Variants in PCID2 observed in about 807,000 individuals in gnomAD.
PCID2 encodes the protein PCI domain-containing protein 2.
Under a neutral mutation model 61.3 loss-of-function variants are expected in PCID2, and 41 were observed. That is an observed-to-expected ratio of 0.67 (90% CI 0.52 to 0.87). The LOEUF (loss-of-function observed/expected upper bound fraction) is 0.87. Among genes scored for constraint, PCID2 ranks in the 40% least tolerant of loss-of-function variants. The probability of loss-of-function intolerance (pLI) is 0.00; values close to 1 mark genes in which losing one functional copy is unlikely to be tolerated. For synonymous variants in PCID2, 187 were observed against 177.8 expected, an observed-to-expected ratio of 1.05 and a Z score of -0.41; for missense variants, 392 against 493.4, an observed-to-expected ratio of 0.79 and a Z score of 1.95.
intron 6 of PCID2, among the ~76,000 whole-genome samples, 168 bp from the exon 7 acceptor site, chr13:113,191,143 T>G (rs1036058449): frequency 6.6e-6 from 1 of 152,176 alleles, no homozygotes; most frequent in Non-Finnish European, 1.5e-5. Context: ...TGGAACCAGG[T>G]ACTACCATGC....
downstream of PCID2, among the ~76,000 whole-genome samples, chr13:113,176,835 T>C (rs1388911240): frequency 1.3e-5 from 2 of 152,158 alleles, no homozygotes; most frequent in Non-Finnish European, 2.9e-5. Flanking sequence ...TATTCTTAAG[T>C]GTGCAACTCA....
the PCID2 span, among the ~76,000 whole-genome samples, chr13:113,168,029 T>C: frequency 2.0e-5 from 3 of 152,218 alleles, no homozygotes; most frequent in African/African-American, 7.2e-5. Flanking sequence ...CCGCTCGCTG[T>C]AGCATGAGTC....
intron 7 of PCID2, 51 bp downstream of exon 7, chr13:113,190,821 T>G (rs375511498): frequency 8.8e-7 from 1 of 1,132,354 alleles, no homozygotes; most frequent in Non-Finnish European, 1.3e-6. Flanking sequence ...AACGCTGCAA[T>G]GAAAACACCA....
chr13:113,165,534 TG>T, the PCID2 span, among the ~76,000 whole-genome samples: 1 of 152,226 alleles, frequency 6.6e-6, no homozygotes, highest in South Asian at 2.1e-4. Flanking sequence ...CATTTGTTTT[TG>T]GTTTGTTTTT....
At chr13:113,172,420 T>C in the PCID2 span, 24 of 387,382 alleles carry the variant, frequency 6.2e-5, no homozygotes, top group Admixed American at 4.8e-4. Context: ...CTTCTCCAAG[T>C]CCAGTGTTCC....
At chr13:113,201,309 T>A (rs2039410234) in intron 1 of PCID2, among the ~76,000 whole-genome samples, 1 of 151,982 alleles carries the variant, frequency 6.6e-6, no homozygotes, top group South Asian at 2.1e-4. Context: ...AGGAAAACTG[T>A]ATAACTTGAT....
At chr13:113,201,198 C>T (rs541654095) in intron 1 of PCID2, among the ~76,000 whole-genome samples, 24 of 151,980 alleles carry the variant, frequency 1.6e-4, no homozygotes, top group African/African-American at 4.8e-4. Flanking sequence ...TCATACAATG[C>T]GATACTCGGC....
chr13:113,188,954 G>T (rs2038361729), intron 7 of PCID2, among the ~76,000 whole-genome samples: 1 of 152,192 alleles, frequency 6.6e-6, no homozygotes, highest in Non-Finnish European at 1.5e-5. Context: ...TTTGGATGTG[G>T]TTTTTTGGCC....
At chr13:113,197,118 C>T (rs765219445) in intron 4 of PCID2, 60 bp downstream of exon 4, 2 of 1,614,136 alleles carry the variant, frequency 1.2e-6, no homozygotes, top group Admixed American at 3.3e-5. Context: ...GGTCTCAAGT[C>T]CCAAGTAATC....
intron 6 of PCID2, among the ~76,000 whole-genome samples, chr13:113,192,127 G>A (rs530049529): frequency 5.9e-5 from 9 of 152,146 alleles, no homozygotes; most frequent in South Asian, 4.2e-4. Flanking sequence ...GTATCATGGC[G>A]TAGACCTGTA....
In PCID2 at chr13:113,198,267, G is replaced by A. The variant is rs1459621338; in HGVS notation, c.127-3C>T. The stretch of plus-strand genomic sequence containing the variant: ...CACTTCTCCTCTGGAGAGGCCATCT[G>A]ATTTTAAAAAAGAAAAATAGCAAAA... On this transcript the variant is annotated splice_region_variant and splice_polypyrimidine_tract_variant and intron_variant, in intron 2 of 13. Coordinates refer to ENST00000337344, the MANE Select transcript of PCID2 (RefSeq NM_001127202.4). 6.3e-7 allele frequency: 1 copy of A among 1,584,418 alleles called. No individual in the cohort carries two copies. Among genetic ancestry groups the A allele is most frequent in the Non-Finnish European group, 8.6e-7 (1 of 1,165,716 alleles).
At chr13:113,198,751 A>G (rs1235999949) in intron 2 of PCID2, among the ~76,000 whole-genome samples, 2 of 152,254 alleles carry the variant, frequency 1.3e-5, no homozygotes, top group African/African-American at 4.8e-5. Context: ...ACAAATATTT[A>G]TCAATATTTC....
intron 9 of PCID2, chr13:113,183,893 G>T: frequency 2.0e-6 from 2 of 985,456 alleles, no homozygotes; most frequent in Non-Finnish European, 1.2e-6. Context: ...CTGTTTAAAC[G>T]AGAGCTTTGA....
rs1306321626 is a variant in PCID2 at position 113,179,363 on chromosome 13, G to A, written c.987-274C>T. Among the ~76,000 whole-genome samples, 7 of 151,728 alleles carry A rather than the reference G, an allele frequency of 4.6e-5. 1 individual carries two copies. Among genetic ancestry groups the A allele is most frequent in the African/African-American group, 1.7e-4 (7 of 41,268 alleles). ...TCACATTTTAATCTCCCTGAAATCA[G>A]GAAGCACCTGACAATGGGCTGTGTC... On this transcript the variant is annotated intron_variant, in intron 12 of 13. Coordinates refer to ENST00000337344, the MANE Select transcript of PCID2 (RefSeq NM_001127202.4). This position sits in a 1 kb window ranked among gnomAD's most constrained non-coding sequence, Gnocchi z 4.3.
chr13:113,180,326 T>C (rs1408555629), intron 10 of PCID2, 95 bp from the exon 11 acceptor site: 1 of 932,804 alleles, frequency 1.1e-6, no homozygotes, highest in African/African-American at 1.6e-5. Context: ...TTAAGAAAAT[T>C]GCAACCTGAG....
chr13:113,180,978 C>A, intron 10 of PCID2, 152 bp downstream of exon 10: 1 of 579,652 alleles, frequency 1.7e-6, no homozygotes, highest in Non-Finnish European at 3.1e-6. Context: ...GGGCCACACA[C>A]AATGCATGCG....
At chr13:113,181,677 C>T (rs950194017) in intron 9 of PCID2, among the ~76,000 whole-genome samples, 36 of 152,178 alleles carry the variant, frequency 2.4e-4, no homozygotes, top group African/African-American at 7.7e-4. Context: ...TCCAGCTTAA[C>T]ATATAATTAG....
At position 113,181,201 on chromosome 13, in the gene PCID2, G is replaced by T; in HGVS notation, c.715C>A (p.His239Asn). 6.2e-7 allele frequency: 1 copy of T among 1,613,496 alleles called. No individual in the cohort carries two copies. Among genetic ancestry groups the T allele is most frequent in the Non-Finnish European group, 8.5e-7 (1 of 1,179,516 alleles). Reference sequence around the variant, plus strand: ...TTCTTCTGACTAGAACGGTGACAATGCTCAAAGGCAAATGACAGGTACTCC... The same window carrying T: ...TTCTTCTGACTAGAACGGTGACAATTCTCAAAGGCAAATGACAGGTACTCC... ...AEEYLSFAFEHCHRSSQKNKR... is the reference protein window; with the variant it reads ...AEEYLSFAFENCHRSSQKNKR... The change falls in exon 10 of 14, where the codon CAT (histidine) becomes AAT (asparagine). Residue 239 changes from histidine (H) to asparagine (N), a missense_variant. Transcript: ENST00000337344.
chr13:113,186,954 T>C (rs1369045217), intron 7 of PCID2: 1 of 152,226 alleles, frequency 6.6e-6, no homozygotes, highest in Admixed American at 6.5e-5. Flanking sequence ...AATGTGTCCA[T>C]ATAGAAACAC....
Sources: allele counts gnomAD v4.1 joint callset (sites outside exome capture counted in the v4.1 genomes callset), GRCh38; gene constraint gnomAD v4.1.1; non-coding constraint Gnocchi (gnomAD v3.1); transcripts MANE v1.5; gene names NCBI Gene and HGNC (gene_info 2026-07-23, HGNC 2026-07-21).